RRBP1: variants seen among roughly 807,000 people sequenced by gnomAD.
RRBP1 encodes ribosome binding protein 1.
A neutral mutation model predicts 165.2 loss-of-function variants in RRBP1; 94 were observed. The observed-to-expected ratio is 0.57, with a 90% CI of 0.48 to 0.68. RRBP1 has a LOEUF of 0.68. Ranked by LOEUF, RRBP1 falls within the 30% of genes least tolerant of loss-of-function variation. The pLI is 0.00. For synonymous variants in RRBP1, 680 were observed against 714.5 expected (o/e 0.95, Z 0.77); for missense variants, 1,676 against 1,763.0 (o/e 0.95, Z 0.88).
At chr20:17,679,603 C>T (rs756477935) in intron 2 of RRBP1, among the ~76,000 whole-genome samples, 1 of 152,230 alleles carries the variant, frequency 6.6e-6, no homozygotes, top group East Asian at 1.9e-4. Context: ...TAAATCAATA[C>T]TCCAATTCAA....
chr20:17,620,306 G>T lies in RRBP1; in HGVS notation c.3572C>A (p.Ser1191Ter). ...VEKLKGELES[S>*]DQVREHTSHL... ...TCTGAGCAGAGCACATACCTGGTCC[G>T]AACTTTCAAGTTCTCCTTTTAGCTT... Residue 1191 changes from serine to a stop codon, truncating the protein, a stop_gained, in exon 18 of 25, where the codon TCG becomes TAG. Coordinates refer to ENST00000377813, the MANE Select transcript of RRBP1 (RefSeq NM_001365613.2). LOFTEE classifies it high-confidence loss of function. 1 of 1,612,876 alleles carries T rather than the reference G, an allele frequency of 6.2e-7. No homozygotes were observed. The highest frequency in any genetic ancestry group is 8.5e-7 in the Non-Finnish European group (1 of 1,179,066).
At chr20:17,635,487 G>A (rs2036230695) in intron 7 of RRBP1, 59 bp downstream of exon 7, 3 of 1,320,454 alleles carry the variant, frequency 2.3e-6, no homozygotes, top group Non-Finnish European at 3.2e-6. Context: ...GCAGCCTCGT[G>A]AAGCCTTCCT....
At chr20:17,664,324 T>A (rs2036826978) in intron 2 of RRBP1, among the ~76,000 whole-genome samples, 1 of 152,214 alleles carries the variant, frequency 6.6e-6, no homozygotes, top group African/African-American at 2.4e-5. Flanking sequence ...CAGAATGGCA[T>A]GCAACTTAAA....
At chr20:17,677,037 T>C (rs2122516931) in intron 2 of RRBP1, among the ~76,000 whole-genome samples, 1 of 150,954 alleles carries the variant, frequency 6.6e-6, no homozygotes, top group East Asian at 2.0e-4. Context: ...GATTAGCCAC[T>C]GTGCCCAGCC....
chr20:17,651,702 T>G lies in RRBP1; in HGVS notation c.1912+6894A>C, dbSNP rs182466909. On this transcript the variant is annotated intron_variant, in intron 3 of 24. Transcript: ENST00000377813. ...GTGATTGGGATGGAGCAAAAAGACT[T>G]TCTATTTTCACCTTCCATGCCTCCA... Among the ~76,000 whole-genome samples the G allele has an allele frequency of 2.3e-3, 345 of 151,748 alleles. 1 individual carries two copies. The highest frequency in any genetic ancestry group is 2.8e-3 in the Non-Finnish European group (193 of 68,016).
In RRBP1 at chr20:17,676,852, A is replaced by T. The variant is rs577989465; in HGVS notation, c.-22+3147T>A. On this transcript the variant is annotated intron_variant, in intron 2 of 24. Coordinates refer to ENST00000377813, the MANE Select transcript of RRBP1 (RefSeq NM_001365613.2). ...AACCTCCACCTTCCAGGTTCAAATGATTCTCCTGCTTCAGCCACCTGAGTA... is the reference window on the plus strand; with the variant it reads ...AACCTCCACCTTCCAGGTTCAAATGTTTCTCCTGCTTCAGCCACCTGAGTA... Among the ~76,000 whole-genome samples, 5 of 152,206 alleles carry T rather than the reference A, an allele frequency of 3.3e-5. No homozygotes were observed. The East Asian group carries it at 5.8e-4, about 18-fold the overall frequency.
intron 2 of RRBP1, among the ~76,000 whole-genome samples, chr20:17,670,311 G>T (rs891595765): frequency 6.6e-6 from 1 of 151,914 alleles, no homozygotes; most frequent in Non-Finnish European, 1.5e-5. Context: ...TCAGGTATGA[G>T]ATCTGACTGA....
At chr20:17,680,483 T>C (rs970250468) in intron 1 of RRBP1, among the ~76,000 whole-genome samples, 1 of 152,126 alleles carries the variant, frequency 6.6e-6, no homozygotes, top group Admixed American at 6.5e-5. Context: ...CGTGGGAGGC[T>C]CCTCAGGTCC....
Position 17,620,317 on chromosome 20 carries a change from T to C in RRBP1, c.3561A>G (p.Glu1187=). Residue 1187 remains glutamate (E), a synonymous_variant, in exon 18 of 25, where the codon GAA becomes GAG. Coordinates refer to ENST00000377813, the MANE Select transcript of RRBP1 (RefSeq NM_001365613.2). ...CACATACCTGGTCCGAACTTTCAAG[T>C]TCTCCTTTTAGCTTCTCTACAATCT... ...LEEIVEKLKG[E]LESSDQVREH... The C allele has an allele frequency of 6.2e-7, 1 of 1,613,380 alleles. No homozygotes were observed.
intron 19 of RRBP1, 47 bp downstream of exon 19, chr20:17,619,586 C>G: frequency 7.1e-7 from 1 of 1,410,376 alleles, no homozygotes. Context: ...CAGGGAGGAC[C>G]GCAGATCTGC....
At chr20:17,651,128 T>C (rs572211033) in intron 3 of RRBP1, among the ~76,000 whole-genome samples, 4 of 152,306 alleles carry the variant, frequency 2.6e-5, no homozygotes, top group African/African-American at 9.6e-5. Context: ...AGTAAAGAAT[T>C]TGTGCCTTTC....
intron 6 of RRBP1, 69 bp from the exon 7 acceptor site, chr20:17,635,733 G>C: frequency 8.6e-7 from 1 of 1,163,440 alleles, no homozygotes; most frequent in Non-Finnish European, 1.3e-6. Context: ...TCTGAGCAGT[G>C]GTTAGTGAAG....
chr20:17,647,364 G>A (rs1158961977), intron 3 of RRBP1, among the ~76,000 whole-genome samples: 3 of 152,260 alleles, frequency 2.0e-5, no homozygotes, highest in East Asian at 1.9e-4. Context: ...GTAAGGACAC[G>A]GTGAGGGGCT....
At chr20:17,656,458 G>A (rs2122432510) in intron 3 of RRBP1, among the ~76,000 whole-genome samples, 1 of 152,142 alleles carries the variant, frequency 6.6e-6, no homozygotes, top group African/African-American at 2.4e-5. Context: ...AATTTTTATA[G>A]AGGCAAGTGC....
At position 17,641,778 on chromosome 20, in the gene RRBP1, G is replaced by A. The variant is rs375294401; in HGVS notation, c.2184+19C>T. 2.4e-5 allele frequency: 38 copies of A among 1,610,704 alleles called. No homozygotes were observed. Among genetic ancestry groups the A allele is most frequent in the African/African-American group, 4.0e-5 (3 of 74,826 alleles). ...GGACGGGAGAGGACAAACCATCTCC[G>A]AGCCCACTCAGGCTGTACCTTGTTG... On this transcript the variant is annotated intron_variant, in intron 5 of 24. Coordinates refer to ENST00000377813, the MANE Select transcript of RRBP1 (RefSeq NM_001365613.2).
In RRBP1 at chr20:17,659,451, C is replaced by T. The variant is rs879106142; in HGVS notation, c.1057G>A (p.Glu353Lys). The T allele has an allele frequency of 5.9e-5, 39 of 664,022 alleles. No individual in the cohort carries two copies. The highest frequency in any genetic ancestry group is 5.3e-4 in the South Asian group (28 of 52,898). 41.1% of individuals were successfully genotyped at this position (664,022 alleles called of 1,614,324 possible). A position where few individuals can be genotyped will look rare whatever the true frequency, so the allele number is the denominator to read the frequency against. ...TTCTTGCCCTGATTCTGGGCCCCCT[C>T]GGCCTTCTTGCCCTGATTCTGGGCC... ...EGAQNQGKKA[E>K]GAQNQGKKAE... is the part of the protein sequence containing the mutation. The change falls in exon 3 of 25, where the codon GAG (glutamate) becomes AAG (lysine). Residue 353 changes from glutamate (E) to lysine (K), a missense_variant. Physicochemically the swap from Glu to Lys is moderately conservative, Grantham distance 56. Transcript: ENST00000377813.
In RRBP1 at chr20:17,625,601, G is replaced by A. The variant is rs1303810262; in HGVS notation, c.2965C>T (p.Leu989Phe). 2.5e-6 allele frequency: 4 copies of A among 1,613,518 alleles called. No homozygotes were observed. The highest frequency in any genetic ancestry group is 2.2e-5 in the East Asian group (1 of 44,890). ...GACACCTGGGACTCCAGCTCCTTGA[G>A]GCTGAAGGGACACAACGAGGTCACC... ...QAEADQQQTR[L>F]KELESQVSGL... is the part of the protein sequence containing the mutation. The change falls in exon 12 of 25, where the codon CTC becomes TTC. Residue 989 changes from leucine (L) to phenylalanine (F), a missense_variant and splice_region_variant. Leu to Phe is a conservative substitution (Grantham distance 22). This residue lies in a region of RRBP1 where 1,184 missense variants were observed against 1,167.1 expected (regional missense o/e 1.01). Transcript: ENST00000377813.
At chr20:17,664,533 T>G (rs1379433669) in intron 2 of RRBP1, among the ~76,000 whole-genome samples, 1 of 152,244 alleles carries the variant, frequency 6.6e-6, no homozygotes, top group East Asian at 1.9e-4. Flanking sequence ...CTGGACAGAC[T>G]GAACTCACTG....
In RRBP1 at chr20:17,643,182, T is replaced by C; in HGVS notation, c.1913-55A>G. 4 of 1,574,726 alleles carry C rather than the reference T, an allele frequency of 2.5e-6. No individual in the cohort carries two copies. Among genetic ancestry groups the C allele is most frequent in the Middle Eastern group, 1.7e-4 (1 of 5,968 alleles). On this transcript the variant is annotated intron_variant, in intron 3 of 24. Transcript: ENST00000377813. This position sits in a 1 kb window ranked among gnomAD's most constrained non-coding sequence, Gnocchi z 4.3. Reference sequence around the variant, plus strand: ...TTAGGCCCATAAGCCACAACACACGTGGCCACAATGCCCATCACACCAAGA... The same window carrying C: ...TTAGGCCCATAAGCCACAACACACGCGGCCACAATGCCCATCACACCAAGA...
Sources: allele counts gnomAD v4.1 joint callset (sites outside exome capture counted in the v4.1 genomes callset), GRCh38; gene constraint gnomAD v4.1.1; regional missense constraint gnomAD v4.1.1; non-coding constraint Gnocchi (gnomAD v3.1); transcripts MANE v1.5; gene names NCBI Gene and HGNC (gene_info 2026-07-23, HGNC 2026-07-21).